The following IMMP2L variants were observed in gnomAD, a reference collection of about 807,000 sequenced individuals.
IMMP2L encodes the protein mitochondrial inner membrane protease subunit 2.
In IMMP2L, 18 loss-of-function variants were observed where a neutral mutation model predicts 19.3. The ratio of observed to expected loss-of-function variants is 0.93; its 90% CI spans 0.64 to 1.38. The LOEUF (loss-of-function observed/expected upper bound fraction) is 1.38. IMMP2L is among the 40% of genes most tolerant of loss of function. The probability of loss-of-function intolerance (pLI) is 0.00; values close to 1 mark genes in which losing one functional copy is unlikely to be tolerated. For synonymous variants in IMMP2L, 76 were observed against 73.0 expected (o/e 1.04, Z -0.21); for missense variants, 233 against 218.2 (o/e 1.07, Z -0.43).
intron 2 of IMMP2L, among the ~76,000 whole-genome samples, chr7:111,520,397 C>T (rs1478415622): frequency 6.6e-6 from 1 of 152,094 alleles, no homozygotes; most frequent in African/African-American, 2.4e-5. Flanking sequence ...GATTTCCTGA[C>T]CTTCTGTATC....
intron 3 of IMMP2L, among the ~76,000 whole-genome samples, chr7:110,988,896 CTATAAAAAT>C (rs149071290): frequency 0.012 from 1,811 of 152,048 alleles, 42 homozygotes; most frequent in African/African-American, 0.042. Context: ...TTTATAAAAA[CTATAAAAAT>C]GATCCTCTGG....
intron 3 of IMMP2L, among the ~76,000 whole-genome samples, chr7:111,431,022 G>A (rs567827431): frequency 9.9e-5 from 15 of 151,842 alleles, no homozygotes; most frequent in African/African-American, 3.4e-4. Context: ...CATGAGAATC[G>A]CTTGAACCTA....
At chr7:110,739,607 A>G (rs1796865112) in intron 5 of IMMP2L, among the ~76,000 whole-genome samples, 1 of 152,170 alleles carries the variant, frequency 6.6e-6, no homozygotes, top group Non-Finnish European at 1.5e-5. Flanking sequence ...GCAACACAGT[A>G]ATTGTGGGGG....
At chr7:110,687,275 TA>T (rs1309848462) in intron 5 of IMMP2L, among the ~76,000 whole-genome samples, 2 of 152,054 alleles carry the variant, frequency 1.3e-5, no homozygotes, top group East Asian at 3.9e-4. Flanking sequence ...ATAAAGCTTT[TA>T]AAAAATGACT....
chr7:111,480,264 T>C (rs1206053666), intron 3 of IMMP2L, among the ~76,000 whole-genome samples: 1 of 151,764 alleles, frequency 6.6e-6, no homozygotes, highest in African/African-American at 2.4e-5. Context: ...TTTGTATTTT[T>C]AGTAGAGATG....
chr7:111,375,959 T>C (rs998407391), intron 3 of IMMP2L, among the ~76,000 whole-genome samples: 1 of 152,070 alleles, frequency 6.6e-6, no homozygotes, highest in Non-Finnish European at 1.5e-5. Context: ...TAAAAACATA[T>C]ATTACTTGAG....
chr7:110,921,275 C>T (rs1749269433), intron 4 of IMMP2L, among the ~76,000 whole-genome samples: 1 of 152,132 alleles, frequency 6.6e-6, no homozygotes, highest in African/African-American at 2.4e-5. Context: ...GAAGGTGGTT[C>T]CTTACCTTGG....
intron 3 of IMMP2L, among the ~76,000 whole-genome samples, chr7:111,408,339 T>C (rs578079133): frequency 6.6e-6 from 1 of 151,878 alleles, no homozygotes; most frequent in African/African-American, 2.4e-5. Flanking sequence ...GAGACTTAAT[T>C]ACTGTAGACA....
chr7:110,882,465 C>G (rs1809785590), intron 5 of IMMP2L, among the ~76,000 whole-genome samples: 1 of 151,978 alleles, frequency 6.6e-6, no homozygotes, highest in African/African-American at 2.4e-5. Flanking sequence ...ACTGCAACCT[C>G]CACCTCCCAG....
At chr7:111,311,929 G>A (rs1823568198) in intron 3 of IMMP2L, among the ~76,000 whole-genome samples, 1 of 152,108 alleles carries the variant, frequency 6.6e-6, no homozygotes, top group African/African-American at 2.4e-5. Context: ...AAATGAGAGA[G>A]TCTATTTTGA....
intron 5 of IMMP2L, among the ~76,000 whole-genome samples, chr7:110,825,098 A>G (rs1803351641): frequency 1.3e-5 from 2 of 152,186 alleles, no homozygotes; most frequent in African/African-American, 2.4e-5. Flanking sequence ...TGCTTCAAAG[A>G]GAATAAAATA....
chr7:111,426,908 G>A (rs138627502), intron 3 of IMMP2L, among the ~76,000 whole-genome samples: 1 of 151,204 alleles, frequency 6.6e-6, no homozygotes, highest in Non-Finnish European at 1.5e-5. Context: ...TACCTATTCA[G>A]GCAATTGTAC....
chr7:110,715,598 A>G (rs960347872), intron 5 of IMMP2L, among the ~76,000 whole-genome samples: 1 of 151,928 alleles, frequency 6.6e-6, no homozygotes, highest in Non-Finnish European at 1.5e-5. Context: ...CTTGGTACTG[A>G]TTTCTATTTG....
At chr7:110,766,463 G>A (rs767531938) in intron 5 of IMMP2L, among the ~76,000 whole-genome samples, 13 of 151,498 alleles carry the variant, frequency 8.6e-5, no homozygotes, top group Non-Finnish European at 7.4e-5. Context: ...GTGGTGATGC[G>A]CGCTTGTAAT....
At chr7:110,945,260 G>A (rs1247369493) in intron 4 of IMMP2L, among the ~76,000 whole-genome samples, 1 of 151,932 alleles carries the variant, frequency 6.6e-6, no homozygotes, top group Non-Finnish European at 1.5e-5. Flanking sequence ...AAGCAGGAAT[G>A]CATAATAAGA....
intron 3 of IMMP2L, among the ~76,000 whole-genome samples, chr7:111,121,690 G>C (rs1800641540): frequency 6.6e-6 from 1 of 152,096 alleles, no homozygotes; most frequent in Non-Finnish European, 1.5e-5. Context: ...CGGGGATCTA[G>C]AACTAGAAAT....
In IMMP2L at chr7:111,123,680, T is replaced by G. The variant is rs753149366; in HGVS notation, c.240-160115A>C. 13 of 1,613,998 alleles carry G rather than the reference T, an allele frequency of 8.1e-6. No homozygotes were observed. The highest frequency in any genetic ancestry group is 6.7e-5 in the East Asian group (3 of 44,868). ...CCTGAGCTGATTTCCATCGATAGTC[T>G]TGCTGTGGATAACCTGCCAGATTTA... On this transcript the variant is annotated intron_variant, in intron 3 of 5. Transcript: ENST00000405709. This position sits in a 1 kb window ranked among gnomAD's most constrained non-coding sequence, Gnocchi z 6.4.
At chr7:110,752,455 T>G (rs1022794215) in intron 5 of IMMP2L, among the ~76,000 whole-genome samples, 5 of 152,042 alleles carry the variant, frequency 3.3e-5, no homozygotes, top group African/African-American at 1.2e-4. Flanking sequence ...TATATACACA[T>G]TTATATATCT....
At chr7:110,780,525 C>A (rs193157767) in intron 5 of IMMP2L, among the ~76,000 whole-genome samples, 113 of 151,638 alleles carry the variant, frequency 7.5e-4, no homozygotes, top group Middle Eastern at 3.4e-3. Context: ...GTTTCAGGCT[C>A]CTCTCACCTC....
Sources: gnomAD v4.1 joint callset for allele counts (sites outside exome capture counted in the v4.1 genomes callset) on GRCh38, gnomAD v4.1.1 for gene constraint, Gnocchi (gnomAD v3.1) non-coding constraint, MANE v1.5 for transcripts, NCBI Gene and HGNC (gene_info 2026-07-23, HGNC 2026-07-21) for gene names.